SYN3: variants seen among roughly 807,000 people sequenced by gnomAD.
The protein encoded by SYN3 is synapsin III, also known as synapsin-3.
Under a neutral mutation model 65.8 loss-of-function variants are expected in SYN3, and 35 were observed. The observed-to-expected ratio is 0.53, with a 90% CI of 0.41 to 0.70. The LOEUF is 0.70. Ranked by LOEUF, SYN3 falls within the 30% of genes least tolerant of loss-of-function variation. The pLI, the probability that SYN3 is intolerant of heterozygous loss-of-function variation, is 0.00. For missense variants in SYN3, 680 were observed against 749.0 expected, an observed-to-expected ratio of 0.91 and a Z score of 1.08; for synonymous variants, 270 against 292.9, an observed-to-expected ratio of 0.92 and a Z score of 0.80.
chr22:32,703,242 A>G (rs191564533), intron 6 of SYN3, among the ~76,000 whole-genome samples: 15 of 152,380 alleles, frequency 9.8e-5, no homozygotes, highest in Non-Finnish European at 1.6e-4. Flanking sequence ...TAAATAAATT[A>G]GAGCAGTTAA....
chr22:32,881,473 C>T (rs946392757), intron 4 of SYN3, among the ~76,000 whole-genome samples: 8 of 152,170 alleles, frequency 5.3e-5, no homozygotes, highest in Admixed American at 2.0e-4. Context: ...AGGGCACCCC[C>T]TCCCAAGCTG....
chr22:32,778,355 C>T (rs921808158), intron 6 of SYN3, among the ~76,000 whole-genome samples: 1 of 152,068 alleles, frequency 6.6e-6, no homozygotes, highest in Non-Finnish European at 1.5e-5. Context: ...GAGGCACGAT[C>T]TTGGCTCACC....
At position 32,869,054 on chromosome 22, in the gene SYN3, C is replaced by T. The variant is rs138124088; in HGVS notation, c.533G>A (p.Arg178His). 1.1e-5 allele frequency: 18 copies of T among 1,613,934 alleles called. No individual in the cohort carries two copies. The African/African-American group carries it at 1.2e-4, about 11-fold the overall frequency. Residue 178 changes from arginine (R) to histidine (H), a missense_variant, in exon 5 of 14, where the codon CGC (arginine) becomes CAC (histidine). Arg to His is a conservative substitution (Grantham distance 29). Coordinates refer to ENST00000358763, the MANE Select transcript of SYN3 (RefSeq NM_003490.4). ...AYSMALGEDY[R>H]SLVIGLQYGG... ...ATACTGCAGGCCGATGACCAGGCTG[C>T]GGTAGTCTTCCCCCAGGGCCATGCT...
At chr22:32,645,998 G>A (rs1034210301) in intron 6 of SYN3, among the ~76,000 whole-genome samples, 1 of 152,158 alleles carries the variant, frequency 6.6e-6, no homozygotes, top group Admixed American at 6.5e-5. Context: ...GAGGGGACCT[G>A]CACATTACTT....
intron 6 of SYN3, among the ~76,000 whole-genome samples, chr22:32,717,936 C>T (rs2061061213): frequency 6.6e-6 from 1 of 152,134 alleles, no homozygotes; most frequent in South Asian, 2.1e-4. Flanking sequence ...ATGCATGTAT[C>T]CATGTGGGTT....
At chr22:32,974,240 C>CT (rs2052110592) in intron 3 of SYN3, among the ~76,000 whole-genome samples, 1 of 152,254 alleles carries the variant, frequency 6.6e-6, no homozygotes, top group South Asian at 2.1e-4. Context: ...TGAAGTCAGA[C>CT]TGGCTAGGTT....
At chr22:32,703,858 C>G (rs947103765) in intron 6 of SYN3, among the ~76,000 whole-genome samples, 3 of 152,172 alleles carry the variant, frequency 2.0e-5, no homozygotes, top group South Asian at 2.1e-4. Context: ...CTATTTATTT[C>G]AAATGCATTT....
chr22:32,830,970 C>T (rs1040522984), intron 6 of SYN3, among the ~76,000 whole-genome samples: 21 of 152,162 alleles, frequency 1.4e-4, no homozygotes, highest in Non-Finnish European at 2.5e-4. Flanking sequence ...TTTCCCCAAC[C>T]AGGGGCACAG....
Position 32,773,388 on chromosome 22 carries a change from C to T in SYN3, c.711+91527G>A, listed in dbSNP as rs150595373. Among the ~76,000 whole-genome samples, 1,170 of 127,896 alleles carry T rather than the reference C, an allele frequency of 9.1e-3. 10 individuals are homozygous for T. The highest frequency in any genetic ancestry group is 0.015 in the Admixed American group (155 of 10,552). 83.9% of individuals were successfully genotyped at this position (127,896 alleles called of 152,430 possible). Reference sequence around the variant, plus strand: ...TGCCACTGCACTCCAGTCTGGGCAACGGAGCCAGACTCTGTCTCAAAAAAA... The same window carrying T: ...TGCCACTGCACTCCAGTCTGGGCAATGGAGCCAGACTCTGTCTCAAAAAAA... On this transcript the variant is annotated intron_variant, in intron 6 of 13. Transcript: ENST00000358763.
chr22:32,874,521 A>C (rs2048933954), intron 4 of SYN3, among the ~76,000 whole-genome samples: 1 of 152,246 alleles, frequency 6.6e-6, no homozygotes, highest in Non-Finnish European at 1.5e-5. Context: ...ACTCTTAACC[A>C]TTGGAGAAGT....
At chr22:33,021,085 G>C (rs2053551886) in intron 1 of SYN3, among the ~76,000 whole-genome samples, 1 of 152,092 alleles carries the variant, frequency 6.6e-6, no homozygotes, top group South Asian at 2.1e-4. Flanking sequence ...CTGACAGTGT[G>C]GTTAGTTTGG....
rs73399294 is a variant in SYN3 at position 32,634,882 on chromosome 22, G to C, written c.712-38146C>G. The stretch of plus-strand genomic sequence containing the variant: ...GTGGCCCAGGACAGCTTTGAATGTG[G>C]CCCAACACAAATCTGTAAACTGTCT... On this transcript the variant is annotated intron_variant, in intron 6 of 13. Transcript: ENST00000358763. Among the ~76,000 whole-genome samples the C allele has an allele frequency of 4.6e-3, 696 of 151,998 alleles. 7 individuals are homozygous for C. The highest frequency in any genetic ancestry group is 0.016 in the African/African-American group (665 of 41,400).
rs1346361567 is a variant in SYN3, at chr22:32,508,277, A to G, written c.*5415T>C. ...GTAAATTTCCTTCTTCTGGCTCAGA[A>G]GCTCCCGCACTGAGCACCTTGTGAC... On this transcript the variant is annotated 3_prime_UTR_variant, in exon 14 of 14. Transcript: ENST00000358763. Among the ~76,000 whole-genome samples, 8 of 152,082 alleles carry G rather than the reference A, an allele frequency of 5.3e-5. No individual in the cohort carries two copies. The highest frequency in any genetic ancestry group is 1.0e-4 in the Non-Finnish European group (7 of 68,018).
intron 7 of SYN3, among the ~76,000 whole-genome samples, chr22:32,546,472 G>A (rs1410745488): frequency 6.6e-6 from 1 of 152,204 alleles, no homozygotes; most frequent in Non-Finnish European, 1.5e-5. Context: ...GTTACTGCCT[G>A]CCTCACAAGT....
chr22:32,799,523 G>C (rs968228564), intron 6 of SYN3, among the ~76,000 whole-genome samples: 2 of 152,210 alleles, frequency 1.3e-5, no homozygotes, highest in African/African-American at 2.4e-5. Flanking sequence ...TTCCGTTGGA[G>C]AAAATATCGG....
chr22:32,553,161 C>T (rs944183060), intron 7 of SYN3, among the ~76,000 whole-genome samples: 1 of 152,184 alleles, frequency 6.6e-6, no homozygotes, highest in Non-Finnish European at 1.5e-5. Flanking sequence ...GATCCCATCT[C>T]CAAATCCCAT....
intron 6 of SYN3, among the ~76,000 whole-genome samples, chr22:32,829,008 G>A (rs2047494255): frequency 6.6e-6 from 1 of 152,172 alleles, no homozygotes; most frequent in Non-Finnish European, 1.5e-5. Context: ...CTTGAGGGTT[G>A]GAGGAGACTA....
At chr22:32,723,246 T>C (rs1230126024) in intron 6 of SYN3, among the ~76,000 whole-genome samples, 3 of 152,222 alleles carry the variant, frequency 2.0e-5, no homozygotes, top group African/African-American at 7.2e-5. Context: ...GAAGGTAACG[T>C]GAGCATGGGC....
intron 7 of SYN3, among the ~76,000 whole-genome samples, chr22:32,559,055 T>C (rs1209840428): frequency 6.6e-6 from 1 of 152,240 alleles, no homozygotes; most frequent in Non-Finnish European, 1.5e-5. Flanking sequence ...CTATGCACTA[T>C]ATACAGTATT....
Sources: gnomAD v4.1 joint callset for allele counts (sites outside exome capture counted in the v4.1 genomes callset) on GRCh38, gnomAD v4.1.1 for gene constraint, MANE v1.5 for transcripts, NCBI Gene and HGNC (gene_info 2026-07-23, HGNC 2026-07-21) for gene names.